The following EPHA6 variants were observed in gnomAD, a reference collection of about 807,000 sequenced individuals.
The protein encoded by EPHA6 is ephrin type-A receptor 6.
In EPHA6, 50 loss-of-function variants were observed where a neutral mutation model predicts 112.0. The observed-to-expected ratio is 0.45, with a 90% CI of 0.36 to 0.56. The LOEUF is 0.56. EPHA6 is among the 20% of genes least tolerant of loss of function. The pLI, the probability that EPHA6 is intolerant of heterozygous loss-of-function variation, is 0.00. For missense variants in EPHA6, 1,280 were observed against 1,417.4 expected, an observed-to-expected ratio of 0.90 and a Z score of 1.56; for synonymous variants, 529 against 490.7, an observed-to-expected ratio of 1.08 and a Z score of -1.03.
intron 15 of EPHA6, among the ~76,000 whole-genome samples, chr3:97,723,434 A>G (rs1442678464): frequency 1.3e-5 from 2 of 152,164 alleles, no homozygotes; most frequent in Admixed American, 6.5e-5. Flanking sequence ...TTTGTCTATT[A>G]AACCTCATTT....
chr3:97,492,104 G>C (rs555118193), intron 10 of EPHA6, among the ~76,000 whole-genome samples: 1 of 151,836 alleles, frequency 6.6e-6, no homozygotes, highest in Non-Finnish European at 1.5e-5. Flanking sequence ...ATTTTTTCAA[G>C]CTTAAAGTGA....
At chr3:97,352,855 C>T (rs994656549) in intron 5 of EPHA6, among the ~76,000 whole-genome samples, 1 of 152,066 alleles carries the variant, frequency 6.6e-6, no homozygotes, top group African/African-American at 2.4e-5. Context: ...CAAGGCAGGG[C>T]AGTTCACAGG....
chr3:97,640,639 G>T lies in EPHA6; in HGVS notation c.2784+2557G>T, dbSNP rs1017389432. ...TACAAAAAAAAAAAAAATTAGCCAG[G>T]CGTGGTGGCGCATGCCTGTAATCCT... On this transcript the variant is annotated intron_variant, in intron 14 of 17. Transcript: ENST00000389672. Among the ~76,000 whole-genome samples, 3 of 152,162 alleles carry T rather than the reference G, an allele frequency of 2.0e-5. No individual in the cohort carries two copies. In the South Asian group the frequency reaches 6.2e-4, roughly 32 times the overall value.
chr3:97,469,640 C>CA (rs1310810049), intron 7 of EPHA6, among the ~76,000 whole-genome samples: 1 of 151,472 alleles, frequency 6.6e-6, no homozygotes, highest in African/African-American at 2.4e-5. Context: ...CAGGACTGAT[C>CA]AACTTGGAAG....
intron 6 of EPHA6, among the ~76,000 whole-genome samples, chr3:97,440,670 C>A (rs1428092647): frequency 1.3e-5 from 2 of 151,098 alleles, no homozygotes; most frequent in African/African-American, 2.4e-5. Flanking sequence ...ACATTAAGAT[C>A]CTCACATATC....
intron 3 of EPHA6, among the ~76,000 whole-genome samples, chr3:97,217,166 C>G (rs1021363869): frequency 6.6e-6 from 1 of 152,070 alleles, no homozygotes; most frequent in Non-Finnish European, 1.5e-5. Context: ...ATCGAGAAGA[C>G]AGATCTGAGA....
intron 13 of EPHA6, among the ~76,000 whole-genome samples, chr3:97,620,653 T>G (rs1331960362): frequency 2.6e-5 from 4 of 151,510 alleles, no homozygotes; most frequent in Non-Finnish European, 5.9e-5. Context: ...GGCCAAGAAG[T>G]ATATGAAAAA....
At chr3:96,893,563 C>T (rs1172269913) in intron 2 of EPHA6, among the ~76,000 whole-genome samples, 2 of 152,138 alleles carry the variant, frequency 1.3e-5, no homozygotes, top group African/African-American at 4.8e-5. Context: ...ACCAGTCAGG[C>T]GTGTCCCATT....
rs1175556895 is a variant in EPHA6 at position 97,757,497 on chromosome 3, A to G, written c.*8796A>G. ...AAGAATTTGCCAAAAAATTCAAATA[A>G]TAATACATTGAATATTGGACTGCCA... On this transcript the variant is annotated 3_prime_UTR_variant, in exon 18 of 18. Transcript: ENST00000389672. Among the ~76,000 whole-genome samples, 1 of 151,722 alleles carries G rather than the reference A, an allele frequency of 6.6e-6. No homozygotes were observed. Among genetic ancestry groups the G allele is most frequent in the Non-Finnish European group, 1.5e-5 (1 of 67,686 alleles).
intron 2 of EPHA6, among the ~76,000 whole-genome samples, chr3:96,920,687 G>A (rs967849069): frequency 2.6e-5 from 4 of 152,012 alleles, no homozygotes; most frequent in African/African-American, 9.6e-5. Context: ...ATTTTAATAT[G>A]TATATACATT....
chr3:97,337,231 A>T (rs1225880253), intron 5 of EPHA6, among the ~76,000 whole-genome samples: 1 of 152,122 alleles, frequency 6.6e-6, no homozygotes, highest in Non-Finnish European at 1.5e-5. Context: ...CTGATCTCTG[A>T]CTTACTGTAA....
At chr3:97,357,249 T>G (rs2084128234) in intron 5 of EPHA6, among the ~76,000 whole-genome samples, 1 of 152,122 alleles carries the variant, frequency 6.6e-6, no homozygotes, top group Non-Finnish European at 1.5e-5. Context: ...CTCTGTCACC[T>G]AGGCTGGATT....
At chr3:97,103,969 A>C (rs1307739031) in intron 3 of EPHA6, among the ~76,000 whole-genome samples, 1 of 152,090 alleles carries the variant, frequency 6.6e-6, no homozygotes, top group Non-Finnish European at 1.5e-5. Flanking sequence ...ATATATAGGA[A>C]TGCTTGTCAC....
At chr3:97,225,067 T>C (rs958255657) in intron 3 of EPHA6, among the ~76,000 whole-genome samples, 3 of 152,218 alleles carry the variant, frequency 2.0e-5, no homozygotes, top group Non-Finnish European at 4.4e-5. Flanking sequence ...GCCATTCTCC[T>C]GCCTCAGTCT....
At chr3:97,213,505 A>T (rs940052551) in intron 3 of EPHA6, among the ~76,000 whole-genome samples, 1 of 152,170 alleles carries the variant, frequency 6.6e-6, no homozygotes, top group Non-Finnish European at 1.5e-5. Flanking sequence ...GAGCATTATG[A>T]GTTCTGATTC....
chr3:97,223,580 G>A (rs1240002157), intron 3 of EPHA6, among the ~76,000 whole-genome samples: 8 of 152,152 alleles, frequency 5.3e-5, no homozygotes, highest in African/African-American at 7.2e-5. Flanking sequence ...AAAACCATGC[G>A]GTGCTTGGGA....
At chr3:97,399,477 G>A (rs2086866404) in intron 5 of EPHA6, among the ~76,000 whole-genome samples, 1 of 151,452 alleles carries the variant, frequency 6.6e-6, no homozygotes, top group Non-Finnish European at 1.5e-5. Flanking sequence ...TGGATCATAT[G>A]GTAGTTCTAT....
chr3:97,391,922 G>C (rs983968668), intron 5 of EPHA6, among the ~76,000 whole-genome samples: 2 of 151,650 alleles, frequency 1.3e-5, no homozygotes, highest in Non-Finnish European at 3.0e-5. Flanking sequence ...TACCTTAGGG[G>C]TCCAACAGAA....
chr3:97,080,501 T>C (rs926914589), intron 3 of EPHA6, among the ~76,000 whole-genome samples: 1 of 152,128 alleles, frequency 6.6e-6, no homozygotes, highest in Admixed American at 6.6e-5. Flanking sequence ...TGGAAGAGAA[T>C]ATTCAAAGAG....
Sources: gnomAD v4.1 joint callset for allele counts (sites outside exome capture counted in the v4.1 genomes callset) on GRCh38, gnomAD v4.1.1 for gene constraint, MANE v1.5 for transcripts, NCBI Gene and HGNC (gene_info 2026-07-23, HGNC 2026-07-21) for gene names.